Variants in LINGO3 observed in about 807,000 individuals in gnomAD.
The protein encoded by LINGO3 is leucine-rich repeat and immunoglobulin-like domain-containing nogo receptor-interacting protein 3.
For missense variants in LINGO3, 750 were observed against 867.7 expected, an observed-to-expected ratio of 0.86 and a Z score of 1.70; for synonymous variants, 427 against 444.2, an observed-to-expected ratio of 0.96 and a Z score of 0.49.
chr19:2,303,505 G>A, the LINGO3 span, among the ~76,000 whole-genome samples: 1 of 152,130 alleles, frequency 6.6e-6, no homozygotes, highest in Non-Finnish European at 1.5e-5. Flanking sequence ...GCGCTTGCGG[G>A]GGTGGGAGCC....
chr19:2,301,694 G>A, the LINGO3 span, among the ~76,000 whole-genome samples: 2 of 152,070 alleles, frequency 1.3e-5, no homozygotes, highest in East Asian at 1.9e-4. Context: ...TTGGGAGGCC[G>A]AGGAGGGCGG....
chr19:2,290,647 G>T lies in LINGO3; in HGVS notation c.1130C>A (p.Pro377Gln), dbSNP rs868316986. 6.2e-7 allele frequency: 1 copy of T among 1,601,722 alleles called. No homozygotes were observed. Reference sequence around the variant, plus strand: ...CACCTCGGCCGGGGTGGCGCAGGCCGGCAGCCGCCCGTCGAAGTTGAGGGT... The same window carrying T: ...CACCTCGGCCGGGGTGGCGCAGGCCTGCAGCCGCCCGTCGAAGTTGAGGGT... Residue 377 changes from proline to glutamine, a missense_variant, in exon 1 of 1, where the codon CCG becomes CAG. Pro to Gln is a moderately conservative substitution (Grantham distance 76). Coordinates refer to ENST00000585527, the Ensembl canonical transcript of LINGO3. This position sits in a 1 kb window ranked among gnomAD's most constrained non-coding sequence, Gnocchi z 6.0.
upstream of LINGO3, among the ~76,000 whole-genome samples, chr19:2,295,878 G>T (rs758464754): frequency 6.6e-6 from 1 of 151,060 alleles, no homozygotes; most frequent in African/African-American, 2.4e-5. Flanking sequence ...GGAAGGTGTC[G>T]CAGGTGAGAA....
chr19:2,295,002 C>T (rs1371657760), upstream of LINGO3, among the ~76,000 whole-genome samples: 1 of 152,184 alleles, frequency 6.6e-6, no homozygotes, highest in Non-Finnish European at 1.5e-5. Flanking sequence ...ACGGTTCCCA[C>T]TGGCCTTCGA....
At chr19:2,307,104 C>G in the LINGO3 span, among the ~76,000 whole-genome samples, 1 of 152,192 alleles carries the variant, frequency 6.6e-6, no homozygotes, top group Non-Finnish European at 1.5e-5. Flanking sequence ...AGGCTCCCCC[C>G]AGCCAAGCCC....
the LINGO3 span, among the ~76,000 whole-genome samples, chr19:2,302,757 G>C: frequency 6.6e-6 from 1 of 152,256 alleles, no homozygotes; most frequent in African/African-American, 2.4e-5. Context: ...CCGCAGCTGA[G>C]GCCGCAGAGG....
At chr19:2,305,308 G>A in the LINGO3 span, among the ~76,000 whole-genome samples, 1 of 152,074 alleles carries the variant, frequency 6.6e-6, no homozygotes. Context: ...CAGGACCTGG[G>A]CAATGGAGGC....
At chr19:2,293,562 G>GT (rs1437057009), upstream of LINGO3, among the ~76,000 whole-genome samples, 4 of 150,730 alleles carry the variant, frequency 2.7e-5, no homozygotes, top group Non-Finnish European at 5.9e-5. Flanking sequence ...GTTTTGCCAT[G>GT]TTGGCCAGGC....
the LINGO3 span, among the ~76,000 whole-genome samples, chr19:2,305,192 C>T: frequency 6.6e-6 from 1 of 152,064 alleles, no homozygotes; most frequent in African/African-American, 2.4e-5. Context: ...CCTTCTGGGG[C>T]GTGGAAGGCA....
upstream of LINGO3, among the ~76,000 whole-genome samples, chr19:2,296,100 C>G (rs2025569141): frequency 6.6e-6 from 1 of 152,180 alleles, no homozygotes; most frequent in Admixed American, 6.6e-5. Context: ...AAGCTCCCTC[C>G]CAGCACTGTT....
At chr19:2,296,514 T>G (rs148808212), upstream of LINGO3, among the ~76,000 whole-genome samples, 996 of 152,092 alleles carry the variant, frequency 6.5e-3, 10 homozygotes, top group African/African-American at 0.023. Context: ...GGTCTCACTC[T>G]GTCGCCTGGG....
downstream of LINGO3, among the ~76,000 whole-genome samples, chr19:2,287,560 G>A (rs2025479240): frequency 6.6e-6 from 1 of 152,200 alleles, no homozygotes; most frequent in African/African-American, 2.4e-5. The surrounding 1 kb of genome is among the most constrained non-coding windows in gnomAD (Gnocchi z 4.5). Flanking sequence ...CACAGCTCAG[G>A]GAGAACGGGC....
At chr19:2,299,214 G>T in the LINGO3 span, among the ~76,000 whole-genome samples, 1 of 152,124 alleles carries the variant, frequency 6.6e-6, no homozygotes, top group East Asian at 1.9e-4. Context: ...CCTCTGCAGG[G>T]TGCTGCCGGG....
chr19:2,298,888 A>G, the LINGO3 span, among the ~76,000 whole-genome samples: 1 of 152,236 alleles, frequency 6.6e-6, no homozygotes, highest in African/African-American at 2.4e-5. Flanking sequence ...TAAGGGCAAA[A>G]TCAGGAAGTT....
In LINGO3 at chr19:2,290,720, G is replaced by A; in HGVS notation, c.1057C>T (p.Pro353Ser). ...AGCAGGCGACAGTCGCAGGCCAGCG[G>A]GTTCCCGTCCACGCGCAGCGTCTCT... Residue 353 changes from proline (P) to serine (S), a missense_variant, in exon 1 of 1, where the codon CCG becomes TCG. Pro to Ser is a moderately conservative substitution (Grantham distance 74). Coordinates refer to ENST00000585527, the Ensembl canonical transcript of LINGO3. This position sits in a 1 kb window ranked among gnomAD's most constrained non-coding sequence, Gnocchi z 6.0. The A allele has an allele frequency of 1.2e-6, 2 of 1,612,512 alleles. No homozygotes were observed. The highest frequency in any genetic ancestry group is 1.7e-6 in the Non-Finnish European group (2 of 1,179,616).
At chr19:2,289,834 G>A in exon 1 of LINGO3, 1 of 588,266 alleles carries the variant, frequency 1.7e-6, no homozygotes, top group African/African-American at 1.9e-5. Context: ...AAAGACGCAT[G>A]CTGATGAAAA....
rs2025507707 is a variant in LINGO3, at chr19:2,290,497, A to G, written c.1280T>C (p.Phe427Ser). The G allele has an allele frequency of 7.3e-6, 11 of 1,498,084 alleles. No homozygotes were observed. The highest frequency in any genetic ancestry group is 9.7e-6 in the Non-Finnish European group (11 of 1,128,318). The allele number at this position is 1,498,084 out of a possible 1,614,324, so 92.8% of individuals were successfully genotyped here. A position where few individuals can be genotyped will look rare whatever the true frequency, so the allele number is the denominator to read the frequency against. The change falls in exon 1 of 1, where the codon TTC becomes TCC. Residue 427 changes from phenylalanine to serine, a missense_variant. Physicochemically the swap from Phe to Ser is radical, Grantham distance 155. Coordinates refer to ENST00000585527, the Ensembl canonical transcript of LINGO3. This position sits in a 1 kb window ranked among gnomAD's most constrained non-coding sequence, Gnocchi z 6.0. ...CGGCTCGCCCTCGGCGCGGCAGAGG[A>G]AGCGGACGTCTTCGCCCGCGGTGGC...
chr19:2,306,294 G>C, the LINGO3 span, among the ~76,000 whole-genome samples: 2 of 152,196 alleles, frequency 1.3e-5, no homozygotes, highest in Admixed American at 1.3e-4. Context: ...CAAAATCCCA[G>C]CTCCCCACTA....
chr19:2,297,853 C>G, the LINGO3 span, among the ~76,000 whole-genome samples: 1 of 151,814 alleles, frequency 6.6e-6, no homozygotes. Context: ...GATCCACCCG[C>G]CTCGGCCTCC....
Sources: allele counts gnomAD v4.1 joint callset (sites outside exome capture counted in the v4.1 genomes callset), GRCh38; gene constraint gnomAD v4.1.1; non-coding constraint Gnocchi (gnomAD v3.1); transcripts MANE v1.5; gene names NCBI Gene and HGNC (gene_info 2026-07-23, HGNC 2026-07-21).